GLCE: variants seen among roughly 807,000 people sequenced by gnomAD.
The protein encoded by GLCE is D-glucuronyl C5-epimerase.
A neutral mutation model predicts 47.9 loss-of-function variants in GLCE; 19 were observed. The observed-to-expected ratio is 0.40, with a 90% CI of 0.28 to 0.58. The LOEUF is 0.58. Among genes scored for constraint, GLCE ranks in the 20% least tolerant of loss-of-function variants. The pLI, the probability that GLCE is intolerant of heterozygous loss-of-function variation, is 0.48. For missense variants in GLCE, 556 were observed against 743.3 expected (o/e 0.75, Z 2.93); for synonymous variants, 245 against 263.4 (o/e 0.93, Z 0.68).
intron 1 of GLCE, among the ~76,000 whole-genome samples, chr15:69,206,126 C>T (rs1175170908): frequency 6.6e-6 from 1 of 152,020 alleles, no homozygotes; most frequent in South Asian, 2.1e-4. Context: ...AGTTTCTCTG[C>T]CTTTCTTTGT....
intron 4 of GLCE, 139 bp from the exon 5 acceptor site, chr15:69,268,081 T>G (rs772137924): frequency 3.1e-5 from 18 of 581,290 alleles, no homozygotes; most frequent in Non-Finnish European, 4.5e-5. Flanking sequence ...AAAAATAAAA[T>G]TACAAATGAT....
chr15:69,268,312 G>C lies in GLCE; in HGVS notation c.922G>C (p.Val308Leu), dbSNP rs772721583. 1 of 1,612,484 alleles carries C rather than the reference G, an allele frequency of 6.2e-7. No homozygotes were observed. Among genetic ancestry groups the C allele is most frequent in the Admixed American group, 1.7e-5 (1 of 59,982 alleles). Residue 308 changes from valine (V) to leucine (L), a missense_variant, in exon 5 of 5, where the codon GTG becomes CTG. By Grantham distance (32) the Val-to-Leu change is conservative (BLOSUM62 1). This residue lies in a region of GLCE where 74 missense variants were observed against 64.4 expected (regional missense o/e 1.15). Transcript: ENST00000261858. ...LKFLTNGSVS[V>L]VLETTEKNQL... ...GTTCTTGACAAATGGAAGTGTGTCC[G>C]TGGTTCTAGAGACCACAGAAAAGAA...
rs995750639 is a variant in GLCE, at chr15:69,203,971, G to T, written c.-104-6345G>T. 5.9e-5 allele frequency among the ~76,000 whole-genome samples: 9 copies of T among 152,190 alleles called. No homozygotes were observed. The East Asian group carries it at 1.4e-3, about 23-fold the overall frequency. Reference sequence around the variant, plus strand: ...CTAAGGTACATGTAGGAACCAGATAGATTAAATAACATGATAGAAAGTGTT... The same window carrying T: ...CTAAGGTACATGTAGGAACCAGATATATTAAATAACATGATAGAAAGTGTT... On this transcript the variant is annotated intron_variant, in intron 1 of 4. Coordinates refer to ENST00000261858, the MANE Select transcript of GLCE (RefSeq NM_015554.3).
At chr15:69,253,531 A>G (rs1441518175) in intron 2 of GLCE, among the ~76,000 whole-genome samples, 1 of 152,256 alleles carries the variant, frequency 6.6e-6, no homozygotes, top group Non-Finnish European at 1.5e-5. Flanking sequence ...AACTAATGGC[A>G]TGAAAGACTA....
At chr15:69,236,112 A>G (rs913971767) in intron 2 of GLCE, among the ~76,000 whole-genome samples, 1 of 152,214 alleles carries the variant, frequency 6.6e-6, no homozygotes, top group East Asian at 1.9e-4. Context: ...GGTTATCAGT[A>G]TCAGTGCATT....
chr15:69,164,918 G>C (rs1166501624), intron 1 of GLCE, among the ~76,000 whole-genome samples: 1 of 152,016 alleles, frequency 6.6e-6, no homozygotes, highest in Admixed American at 6.6e-5. Flanking sequence ...GGTCTCTAGT[G>C]GTTGCCTCCA....
chr15:69,255,936 AG>A lies in GLCE; in HGVS notation c.131del (p.Ser44IlefsTer22), dbSNP rs1249444605. The A allele has an allele frequency of 1.4e-5, 22 of 1,613,938 alleles. No homozygotes were observed. The highest frequency in any genetic ancestry group is 2.7e-5 in the African/African-American group (2 of 74,880). ...AGCAATCCAGTTTCCACGGCGTTCG[AG>A]TAGTGGCTTCAGAGTGGATGGGTTT... is the stretch of plus-strand genomic sequence containing the variant. ...DKAIQFPRRS[S>X]SGFRVDGFEK... is the part of the protein sequence containing the mutation. On this transcript the variant is annotated frameshift_variant, in exon 3 of 5. Transcript: ENST00000261858. LOFTEE classifies it high-confidence loss of function.
intron 1 of GLCE, among the ~76,000 whole-genome samples, chr15:69,161,556 G>C (rs2051421428): frequency 6.6e-6 from 1 of 152,182 alleles, no homozygotes; most frequent in Non-Finnish European, 1.5e-5. Flanking sequence ...GGCTCCGCAG[G>C]CGCTGGGTCC....
At chr15:69,263,491 T>G (rs1393850) in intron 4 of GLCE, among the ~76,000 whole-genome samples, 18,936 of 151,888 alleles carry the variant, frequency 0.12, 1,250 homozygotes, top group East Asian at 0.16. Flanking sequence ...CAAATATGAG[T>G]GAAGAGGCAT....
chr15:69,204,276 A>C (rs999741926), intron 1 of GLCE, among the ~76,000 whole-genome samples: 2 of 113,842 alleles, frequency 1.8e-5, no homozygotes, highest in African/African-American at 5.9e-5. Context: ...TGATTGTTTT[A>C]CTTTTTTTTT....
chr15:69,178,685 T>A (rs77891408), intron 1 of GLCE, among the ~76,000 whole-genome samples: 238 of 152,246 alleles, frequency 1.6e-3, no homozygotes, highest in South Asian at 3.1e-3. Flanking sequence ...GGCAAAGATA[T>A]CTAGAATCAC....
chr15:69,227,796 G>A (rs2052470337), intron 2 of GLCE, among the ~76,000 whole-genome samples: 1 of 152,170 alleles, frequency 6.6e-6, no homozygotes, highest in Non-Finnish European at 1.5e-5. Flanking sequence ...TAGTATGGTA[G>A]CATCAATCCC....
intron 2 of GLCE, among the ~76,000 whole-genome samples, chr15:69,226,136 T>C (rs1462499033): frequency 1.3e-5 from 2 of 152,100 alleles, no homozygotes; most frequent in Non-Finnish European, 2.9e-5. Flanking sequence ...CATCTTGGGA[T>C]CATGGCGTTT....
intron 2 of GLCE, among the ~76,000 whole-genome samples, chr15:69,239,481 G>A (rs962631566): frequency 2.0e-5 from 3 of 152,130 alleles, no homozygotes; most frequent in African/African-American, 7.2e-5. Flanking sequence ...TCTGGTGTCT[G>A]TTACTAATAG....
At chr15:69,250,803 G>C (rs2052831921) in intron 2 of GLCE, among the ~76,000 whole-genome samples, 2 of 90,178 alleles carry the variant, frequency 2.2e-5, no homozygotes, top group African/African-American at 1.0e-4. Flanking sequence ...ATTTTTTATA[G>C]TTAAAAAAAA....
In GLCE at chr15:69,247,485, G is replaced by C. The variant is rs767931377; in HGVS notation, c.-13-8309G>C. 2.0e-5 allele frequency among the ~76,000 whole-genome samples: 3 copies of C among 152,300 alleles called. No homozygotes were observed. The South Asian group carries it at 6.2e-4, about 32-fold the overall frequency. ...TTTCTCCATTATCAGCAATAAGGCT[G>C]TTTCACTTTCTTTTCATTCATGTGT... On this transcript the variant is annotated intron_variant, in intron 2 of 4. Coordinates refer to ENST00000261858, the MANE Select transcript of GLCE (RefSeq NM_015554.3).
At chr15:69,221,307 T>C (rs2052374236) in intron 2 of GLCE, among the ~76,000 whole-genome samples, 1 of 152,236 alleles carries the variant, frequency 6.6e-6, no homozygotes, top group Admixed American at 6.5e-5. Flanking sequence ...TTGATAGTGA[T>C]TGCATTGAAT....
intron 1 of GLCE, among the ~76,000 whole-genome samples, chr15:69,172,299 G>C (rs1266717219): frequency 6.6e-6 from 1 of 152,188 alleles, no homozygotes; most frequent in African/African-American, 2.4e-5. Context: ...TCGAACACAC[G>C]TGTTGTCGGT....
chr15:69,180,281 A>G (rs34777160), intron 1 of GLCE, among the ~76,000 whole-genome samples: 1,733 of 152,310 alleles, frequency 0.011, 17 homozygotes, highest in Middle Eastern at 0.027. Flanking sequence ...TTTATCAAAT[A>G]TTTGACCATT....
Sources: allele counts gnomAD v4.1 joint callset (sites outside exome capture counted in the v4.1 genomes callset), GRCh38; gene constraint gnomAD v4.1.1; regional missense constraint gnomAD v4.1.1; transcripts MANE v1.5; gene names NCBI Gene and HGNC (gene_info 2026-07-23, HGNC 2026-07-21).